Variants in PTGIS observed in about 807,000 individuals in gnomAD.
PTGIS encodes prostacyclin synthase.
In PTGIS, 45 loss-of-function variants were observed where a neutral mutation model predicts 50.3. The observed-to-expected ratio is 0.90, with a 90% CI of 0.70 to 1.15. PTGIS has a LOEUF of 1.15. Among genes scored for constraint, PTGIS ranks in the 50% most tolerant of loss-of-function variants. The pLI is 0.00. For missense variants in PTGIS, 668 were observed against 661.3 expected (o/e 1.01, Z -0.11); for synonymous variants, 260 against 267.7 (o/e 0.97, Z 0.28).
intron 5 of PTGIS, among the ~76,000 whole-genome samples, chr20:49,535,250 T>C (rs367689532): frequency 1.3e-5 from 2 of 152,150 alleles, no homozygotes; most frequent in East Asian, 3.9e-4. Context: ...TCCCTTTAGG[T>C]AGGCGGATGA....
intron 6 of PTGIS, among the ~76,000 whole-genome samples, chr20:49,515,795 A>G (rs1328027336): frequency 6.6e-6 from 1 of 152,228 alleles, no homozygotes; most frequent in Non-Finnish European, 1.5e-5. Context: ...ACACAGAAGC[A>G]TGCAAACGCA....
chr20:49,555,423 TA>T (rs1243694540), intron 1 of PTGIS, among the ~76,000 whole-genome samples: 7 of 152,338 alleles, frequency 4.6e-5, no homozygotes, highest in Admixed American at 2.0e-4. Flanking sequence ...CTTTCCAAAA[TA>T]AAATAGTCAA....
At chr20:49,556,794 T>G (rs1235897855) in intron 1 of PTGIS, among the ~76,000 whole-genome samples, 1 of 152,170 alleles carries the variant, frequency 6.6e-6, no homozygotes, top group Non-Finnish European at 1.5e-5. Context: ...TTTATTATTT[T>G]CCACAATTTG....
At chr20:49,544,188 G>A in intron 4 of PTGIS, 117 bp downstream of exon 4, 1 of 1,378,472 alleles carries the variant, frequency 7.3e-7, no homozygotes, top group Non-Finnish European at 9.9e-7. Flanking sequence ...TGCTTTGGGT[G>A]TCTCAAATTG....
chr20:49,550,695 G>C (rs774503596), intron 1 of PTGIS, among the ~76,000 whole-genome samples: 2 of 152,144 alleles, frequency 1.3e-5, no homozygotes, highest in Non-Finnish European at 2.9e-5. Context: ...AGAGAATCCC[G>C]AATCTCTGAA....
chr20:49,538,564 A>G (rs1982142276), intron 5 of PTGIS, among the ~76,000 whole-genome samples: 1 of 152,164 alleles, frequency 6.6e-6, no homozygotes, highest in South Asian at 2.1e-4. Context: ...GAATAGGCAA[A>G]ACTAATTGGA....
intron 3 of PTGIS, among the ~76,000 whole-genome samples, chr20:49,544,962 C>T (rs1032075991): frequency 2.6e-5 from 4 of 152,198 alleles, no homozygotes; most frequent in African/African-American, 9.7e-5. Context: ...TGTTCCCTGA[C>T]TCAGGACTGC....
At chr20:49,514,096 G>A (rs1981403392) in intron 7 of PTGIS, 131 bp downstream of exon 7, 3 of 1,088,002 alleles carry the variant, frequency 2.8e-6, no homozygotes, top group East Asian at 4.7e-5. Flanking sequence ...GAAGATAGGA[G>A]GCTTAGGGAG....
rs1601196920 is a variant in PTGIS at position 49,544,348 on chromosome 20, G to T, written c.478C>A (p.His160Asn). ...GAGAAGTCGAGGAGACCCATCTCGT[G>T]CCAGCCACTGCCTGCTTCTGTAGCA... ...GDATEAGSGW[H>N]EMGLLDFSYS... is the part of the protein sequence containing the mutation. The change falls in exon 4 of 10, where the codon CAC becomes AAC. Residue 160 changes from histidine to asparagine, a missense_variant. By Grantham distance (68) the His-to-Asn change is moderately conservative. Transcript: ENST00000244043. 6.2e-7 allele frequency: 1 copy of T among 1,614,176 alleles called. No individual in the cohort carries two copies. The highest frequency in any genetic ancestry group is 1.1e-5 in the South Asian group (1 of 91,084).
intron 4 of PTGIS, among the ~76,000 whole-genome samples, chr20:49,542,278 C>T (rs183068307): frequency 5.3e-5 from 8 of 152,272 alleles, no homozygotes; most frequent in Admixed American, 2.6e-4. Context: ...CTGCCTGAAC[C>T]GGCACCCCTT....
chr20:49,515,062 C>T (rs1477869146), intron 6 of PTGIS, among the ~76,000 whole-genome samples: 1 of 152,140 alleles, frequency 6.6e-6, no homozygotes, highest in East Asian at 1.9e-4. Flanking sequence ...GGGTGTATGC[C>T]GCTGATGAGT....
chr20:49,545,945 C>A (rs552613502), intron 3 of PTGIS, among the ~76,000 whole-genome samples: 1 of 151,970 alleles, frequency 6.6e-6, no homozygotes, highest in African/African-American at 2.4e-5. Context: ...TTGCACAGGG[C>A]GTCCATGAAC....
chr20:49,531,890 CA>C (rs1981944430), intron 5 of PTGIS, among the ~76,000 whole-genome samples: 1 of 152,150 alleles, frequency 6.6e-6, no homozygotes, highest in South Asian at 2.1e-4. Flanking sequence ...CTTGGCCTCC[CA>C]AAGTGCTGGA....
chr20:49,550,316 T>C (rs1357428923), intron 1 of PTGIS, 127 bp from the exon 2 acceptor site: 2 of 1,200,510 alleles, frequency 1.7e-6, no homozygotes, highest in East Asian at 2.4e-5. Context: ...TCGGGGACTA[T>C]TGCCTCACCT....
chr20:49,545,221 C>T (rs1238706850), intron 3 of PTGIS, among the ~76,000 whole-genome samples: 1 of 152,120 alleles, frequency 6.6e-6, no homozygotes, highest in African/African-American at 2.4e-5. Context: ...GCCTGGGCAA[C>T]ATAGTGAGAT....
Position 49,513,221 on chromosome 20 carries a change from G to A in PTGIS, c.1065C>T (p.Pro355=), listed in dbSNP as rs1233623139. ...CCACCACAACCTCGCGGGTGATGAA[G>A]GGGGCAGCTGTAAGCCTGAGGCTCT... ...LSESLRLTAA[P]FITREVVVDL... is the part of the protein sequence containing the mutation. The change falls in exon 8 of 10, where the codon CCC becomes CCT. Residue 355 remains proline (P), a synonymous_variant. Transcript: ENST00000244043. 6.2e-7 allele frequency: 1 copy of A among 1,613,860 alleles called. No homozygotes were observed. Among genetic ancestry groups the A allele is most frequent in the Non-Finnish European group, 8.5e-7 (1 of 1,180,038 alleles).
chr20:49,551,800 A>T lies in PTGIS; in HGVS notation c.75-1611T>A, dbSNP rs1295268201. ...TGTGTATGTGTGTGTATGCATGTGT[A>T]TGTGTTTGTGTGTGTGTGTGTGTGT... On this transcript the variant is annotated intron_variant, in intron 1 of 9. Coordinates refer to ENST00000244043, the MANE Select transcript of PTGIS (RefSeq NM_000961.4). Among the ~76,000 whole-genome samples the T allele has an allele frequency of 1.8e-4, 23 of 127,918 alleles. No individual in the cohort carries two copies. In the South Asian group the frequency reaches 3.3e-3, roughly 18 times the overall value. The allele number at this position is 127,918 out of a possible 152,430, so 83.9% of individuals were successfully genotyped here. A position where few individuals can be genotyped will look rare whatever the true frequency, so the allele number is the denominator to read the frequency against.
chr20:49,561,331 G>A (rs66515906), intron 1 of PTGIS, among the ~76,000 whole-genome samples: 29,176 of 152,080 alleles, frequency 0.19, 3,038 homozygotes, highest in Admixed American at 0.26. Flanking sequence ...CCTAGGAAGT[G>A]CCTCTCCCAA....
intron 1 of PTGIS, among the ~76,000 whole-genome samples, chr20:49,552,188 T>G (rs146065113): frequency 1.1e-3 from 166 of 152,270 alleles, no homozygotes; most frequent in African/African-American, 3.9e-3. Context: ...TAGCTATTAC[T>G]ACAGGAACTA....
Sources: gnomAD v4.1 joint callset for allele counts (sites outside exome capture counted in the v4.1 genomes callset) on GRCh38, gnomAD v4.1.1 for gene constraint, MANE v1.5 for transcripts, NCBI Gene and HGNC (gene_info 2026-07-23, HGNC 2026-07-21) for gene names.